Variants in DSCC1 observed in about 807,000 individuals in gnomAD.
DSCC1 encodes the protein sister chromatid cohesion protein DCC1.
DSCC1 carries 32 observed loss-of-function variants against 48.2 expected under a neutral mutation model. The ratio of observed to expected loss-of-function variants is 0.66; its 90% CI spans 0.50 to 0.89. The LOEUF (loss-of-function observed/expected upper bound fraction) is 0.89. DSCC1 is among the 40% of genes least tolerant of loss of function. The pLI, the probability that DSCC1 is intolerant of heterozygous loss-of-function variation, is 0.00. For missense variants in DSCC1, 421 were observed against 471.7 expected (o/e 0.89, Z 1.00); for synonymous variants, 150 against 171.5 (o/e 0.87, Z 0.98).
In DSCC1 at chr8:119,843,746, A is replaced by T. The variant is rs1826809645; in HGVS notation, c.579T>A (p.Gly193=). ...AATCAAATTCAAGAATCCTCCAATA[A>T]CCTACAAATTTCAAAAGTTATATTT... ...LQVLNACKIG[G]YWRILEFDYE... Residue 193 remains glycine, a splice_region_variant and synonymous_variant, in exon 5 of 9, where the codon GGT becomes GGA. Coordinates refer to ENST00000313655, the MANE Select transcript of DSCC1 (RefSeq NM_024094.3). The T allele has an allele frequency of 6.3e-7, 1 of 1,599,596 alleles. No homozygotes were observed. The highest frequency in any genetic ancestry group is 1.2e-5 in the South Asian group (1 of 86,714).
At position 119,834,136 on chromosome 8, in the gene DSCC1, C is replaced by A. The variant is rs1826623739; in HGVS notation, c.*757G>T. On this transcript the variant is annotated 3_prime_UTR_variant, in exon 9 of 9. Coordinates refer to ENST00000313655, the MANE Select transcript of DSCC1 (RefSeq NM_024094.3). ...ACGTGGACCATTTAACCTCGGCCTA[C>A]CCCCTCCAACTGTCCTGGTGATGAG... 2.0e-5 allele frequency: 3 copies of A among 152,156 alleles called. No homozygotes were observed. The highest frequency in any genetic ancestry group is 4.4e-5 in the Non-Finnish European group (3 of 68,028). The allele number at this position is 152,156 out of a possible 1,614,324, so 9.4% of individuals were successfully genotyped here.
At chr8:119,837,825 G>A (rs1246696243) in intron 8 of DSCC1, among the ~76,000 whole-genome samples, 1 of 152,210 alleles carries the variant, frequency 6.6e-6, no homozygotes, top group Non-Finnish European at 1.5e-5. Context: ...AAGTTGTAGT[G>A]TTAGTGGATT....
chr8:119,846,925 C>CA (rs896158391), intron 4 of DSCC1, 65 bp downstream of exon 4: 15 of 1,461,272 alleles, frequency 1.0e-5, no homozygotes, highest in African/African-American at 1.4e-5. Context: ...TGAAGATGTC[C>CA]AAAAACTTCT....
intron 2 of DSCC1, among the ~76,000 whole-genome samples, chr8:119,852,089 C>T (rs1331871703): frequency 6.6e-6 from 1 of 152,156 alleles, no homozygotes; most frequent in East Asian, 1.9e-4. Flanking sequence ...AGCTTCCCAG[C>T]ATTTTCCCTT....
chr8:119,842,480 TCAGGTGATCCTCC>T (rs1454842297), intron 6 of DSCC1, among the ~76,000 whole-genome samples: 1 of 150,672 alleles, frequency 6.6e-6, no homozygotes, highest in Non-Finnish European at 1.5e-5. Flanking sequence ...CTCCCCGGGC[TCAGGTGATCCTCC>T]CACCTCGGAT....
At position 119,842,374 on chromosome 8, in the gene DSCC1, C is replaced by CT. The variant is rs60349433; in HGVS notation, c.769+401dup. 2.8e-3 allele frequency among the ~76,000 whole-genome samples: 378 copies of CT among 133,290 alleles called. 1 individual carries two copies. The highest frequency in any genetic ancestry group is 7.9e-3 in the South Asian group (31 of 3,940). The allele number at this position is 133,290 out of a possible 152,430, so 87.4% of individuals were successfully genotyped here. ...TACAGGCGTGAACCACTGCACTGGC[C>CT]TTTTTTTTTTTTTTTTTCTTTCTGA... On this transcript the variant is annotated intron_variant, in intron 6 of 8. Transcript: ENST00000313655.
chr8:119,844,203 C>T (rs893524210), intron 4 of DSCC1, among the ~76,000 whole-genome samples: 1 of 151,994 alleles, frequency 6.6e-6, no homozygotes, highest in Non-Finnish European at 1.5e-5. Context: ...TTTGGGAGGC[C>T]GAGGCTGGTG....
intron 6 of DSCC1, 122 bp from the exon 7 acceptor site, chr8:119,842,070 A>T: frequency 6.3e-6 from 7 of 1,119,538 alleles, no homozygotes; most frequent in South Asian, 3.4e-5. Flanking sequence ...ACTTCCGACA[A>T]CCCCATAGTT....
intron 2 of DSCC1, 100 bp from the exon 3 acceptor site, chr8:119,850,616 G>A (rs1826930451): frequency 9.1e-7 from 1 of 1,096,216 alleles, no homozygotes; most frequent in South Asian, 2.0e-5. Context: ...AAGTACAAAG[G>A]AAGCTCCAAG....
chr8:119,842,495 A>C (rs1419683892), intron 6 of DSCC1, among the ~76,000 whole-genome samples: 2 of 149,692 alleles, frequency 1.3e-5, no homozygotes, highest in Non-Finnish European at 3.0e-5. Flanking sequence ...TGATCCTCCC[A>C]CCTCGGATTC....
chr8:119,848,423 A>G (rs552897132), intron 3 of DSCC1, among the ~76,000 whole-genome samples: 10 of 152,252 alleles, frequency 6.6e-5, no homozygotes, highest in African/African-American at 2.4e-4. Context: ...CAACTCAGTA[A>G]TAAAAAGATA....
At chr8:119,854,827 G>A (rs1422904043) in intron 1 of DSCC1, among the ~76,000 whole-genome samples, 1 of 152,130 alleles carries the variant, frequency 6.6e-6, no homozygotes, top group Non-Finnish European at 1.5e-5. Context: ...TCTGAAGAAT[G>A]GCCAGTTTAC....
rs1826776778 is a variant in DSCC1 at position 119,841,950 on chromosome 8, T to C, written c.770-2A>G. ...CATCCAACTCAAAATAAACTTCGCCTAAGGAAAAGTTATCAGATATTTTCA... is the reference window on the plus strand; with the variant it reads ...CATCCAACTCAAAATAAACTTCGCCCAAGGAAAAGTTATCAGATATTTTCA... On this transcript the variant is annotated splice_acceptor_variant, in intron 6 of 8. Transcript: ENST00000313655. LOFTEE classifies it high-confidence loss of function. 2 of 1,612,848 alleles carry C rather than the reference T, an allele frequency of 1.2e-6. No individual in the cohort carries two copies. Among genetic ancestry groups the C allele is most frequent in the Non-Finnish European group, 1.7e-6 (2 of 1,179,138 alleles).
At chr8:119,853,316 T>C (rs2131312727) in intron 1 of DSCC1, 101 bp from the exon 2 acceptor site, 1 of 1,248,994 alleles carries the variant, frequency 8.0e-7, no homozygotes, top group Non-Finnish European at 1.1e-6. Flanking sequence ...GAACTTAGAA[T>C]TAAGTTTTGA....
At chr8:119,844,768 A>G (rs1197459124) in intron 4 of DSCC1, among the ~76,000 whole-genome samples, 1 of 152,152 alleles carries the variant, frequency 6.6e-6, no homozygotes, top group Non-Finnish European at 1.5e-5. Context: ...CATTCCAAAC[A>G]GAAATTAGGA....
Position 119,855,710 on chromosome 8 carries a change from AGGC to A in DSCC1, c.83_85del (p.Cys28del). On this transcript the variant is annotated inframe_deletion, in exon 1 of 9. Coordinates refer to ENST00000313655, the MANE Select transcript of DSCC1 (RefSeq NM_024094.3). ...GCCGCTGGCCCCAGGGCCGAAGCCC[AGGC>A]AGTGCACCGCCGGCAGCAGCTCGGC... The A allele has an allele frequency of 6.4e-7, 1 of 1,567,616 alleles. No homozygotes were observed. The highest frequency in any genetic ancestry group is 1.4e-5 in the African/African-American group (1 of 73,268).
intron 7 of DSCC1, 110 bp downstream of exon 7, chr8:119,841,684 A>T (rs1474222322): frequency 2.5e-6 from 3 of 1,220,984 alleles, no homozygotes; most frequent in Non-Finnish European, 3.4e-6. Flanking sequence ...TGCACTCCTA[A>T]TGGGTGTCTA....
chr8:119,846,314 A>G (rs1178133340), intron 4 of DSCC1, among the ~76,000 whole-genome samples: 1 of 151,998 alleles, frequency 6.6e-6, no homozygotes, highest in African/African-American at 2.4e-5. Flanking sequence ...GGATTTCACC[A>G]TGTTGGCCAG....
At chr8:119,840,656 A>G (rs1826753857) in intron 7 of DSCC1, among the ~76,000 whole-genome samples, 1 of 152,132 alleles carries the variant, frequency 6.6e-6, no homozygotes, top group African/African-American at 2.4e-5. Flanking sequence ...TCACATCTAT[A>G]ATCTCAGCAC....
Sources: gnomAD v4.1 joint callset for allele counts (sites outside exome capture counted in the v4.1 genomes callset) on GRCh38, gnomAD v4.1.1 for gene constraint, MANE v1.5 for transcripts, NCBI Gene and HGNC (gene_info 2026-07-23, HGNC 2026-07-21) for gene names.